The following HS3ST4 variants were observed in gnomAD, a reference collection of about 807,000 sequenced individuals.
HS3ST4 encodes heparan sulfate-glucosamine 3-sulfotransferase 4.
A neutral mutation model predicts 29.2 loss-of-function variants in HS3ST4; 17 were observed. The ratio of observed to expected loss-of-function variants is 0.58; its 90% CI spans 0.40 to 0.87. The LOEUF (loss-of-function observed/expected upper bound fraction) is 0.87. Ranked by LOEUF, HS3ST4 falls within the 40% of genes least tolerant of loss-of-function variation. HS3ST4 has a pLI of 0.00. For missense variants in HS3ST4, 627 were observed against 634.5 expected, an observed-to-expected ratio of 0.99 and a Z score of 0.13; for synonymous variants, 314 against 285.7, an observed-to-expected ratio of 1.10 and a Z score of -1.00.
At chr16:26,069,917 T>C (rs897682710) in intron 1 of HS3ST4, among the ~76,000 whole-genome samples, 1 of 152,158 alleles carries the variant, frequency 6.6e-6, no homozygotes, top group Non-Finnish European at 1.5e-5. Context: ...TAGTACTCCA[T>C]GGTGCATATG....
At chr16:26,052,063 A>T (rs1898354870) in intron 1 of HS3ST4, among the ~76,000 whole-genome samples, 1 of 152,114 alleles carries the variant, frequency 6.6e-6, no homozygotes, top group Admixed American at 6.6e-5. Context: ...ACTAATGGCC[A>T]TAAAGAAATG....
chr16:25,720,022 A>G (rs1042224445), intron 1 of HS3ST4, among the ~76,000 whole-genome samples: 3 of 152,224 alleles, frequency 2.0e-5, no homozygotes, highest in Non-Finnish European at 4.4e-5. Flanking sequence ...GGGAAGACAG[A>G]TAATAAACAG....
rs11382105 is a variant in HS3ST4 at position 25,956,997 on chromosome 16, C to CAAAA, written c.735-178598_735-178595dup. Among the ~76,000 whole-genome samples the CAAAA allele has an allele frequency of 7.6e-4, 59 of 77,690 alleles. 2 individuals are homozygous for CAAAA. Among genetic ancestry groups the CAAAA allele is most frequent in the African/African-American group, 2.7e-3 (50 of 18,384 alleles). The allele number at this position is 77,690 out of a possible 152,430, so 51.0% of individuals were successfully genotyped here. ...TGGGCAACAGAGCGAGACTCCGTCT[C>CAAAA]AAAAAAAAAAAAAAAAAAAAGCATG... On this transcript the variant is annotated intron_variant, in intron 1 of 1. Coordinates refer to ENST00000331351, the MANE Select transcript of HS3ST4 (RefSeq NM_006040.3).
chr16:25,874,977 A>C (rs986431161), intron 1 of HS3ST4, among the ~76,000 whole-genome samples: 2 of 152,156 alleles, frequency 1.3e-5, no homozygotes, highest in Admixed American at 6.6e-5. Context: ...ACACAATTGC[A>C]CACACATACC....
rs569195917 is a variant in HS3ST4 at position 25,925,470 on chromosome 16, A to T, written c.735-210142A>T. Among the ~76,000 whole-genome samples the T allele has an allele frequency of 3.3e-5, 5 of 152,230 alleles. No individual in the cohort carries two copies. In the East Asian group the frequency reaches 9.7e-4, roughly 29 times the overall value. ...TCCCTGCACAGAGAGCTTGAAGCTC[A>T]GTGTCACAGATTACGCCGCGACGCT... On this transcript the variant is annotated intron_variant, in intron 1 of 1. Transcript: ENST00000331351.
At chr16:25,752,943 T>C (rs1390116603) in intron 1 of HS3ST4, among the ~76,000 whole-genome samples, 2 of 152,230 alleles carry the variant, frequency 1.3e-5, no homozygotes, top group Non-Finnish European at 2.9e-5. Flanking sequence ...GAGTGTCGTA[T>C]TGCAGGCAGC....
intron 1 of HS3ST4, among the ~76,000 whole-genome samples, chr16:25,715,062 C>T (rs2141586636): frequency 6.6e-6 from 1 of 152,024 alleles, no homozygotes. Context: ...GTGGCTCACG[C>T]CTGTAATCCC....
chr16:25,724,405 C>T (rs959484846), intron 1 of HS3ST4, among the ~76,000 whole-genome samples: 2 of 149,564 alleles, frequency 1.3e-5, no homozygotes, highest in Non-Finnish European at 3.0e-5. Context: ...GCTCTGTCAC[C>T]CAAGCTGGAG....
intron 1 of HS3ST4, among the ~76,000 whole-genome samples, chr16:26,022,142 A>AT (rs946749691): frequency 1.3e-5 from 2 of 151,856 alleles, no homozygotes. Flanking sequence ...TTTTAAAATT[A>AT]TTTTTTTGTA....
intron 1 of HS3ST4, among the ~76,000 whole-genome samples, chr16:25,949,474 C>T (rs1968662669): frequency 1.3e-5 from 2 of 152,214 alleles, no homozygotes; most frequent in African/African-American, 4.8e-5. Flanking sequence ...CCACTGGGAC[C>T]TTTCTTTTAT....
intron 1 of HS3ST4, among the ~76,000 whole-genome samples, chr16:26,086,998 T>A (rs1898797917): frequency 2.0e-5 from 3 of 152,224 alleles, no homozygotes; most frequent in Non-Finnish European, 4.4e-5. Flanking sequence ...AAAAATTTCT[T>A]CCTCCAGACC....
At chr16:25,719,622 G>C (rs560463449) in intron 1 of HS3ST4, among the ~76,000 whole-genome samples, 1 of 152,314 alleles carries the variant, frequency 6.6e-6, no homozygotes, top group Non-Finnish European at 1.5e-5. Flanking sequence ...GTTGCAGCAT[G>C]AACTCAAGAT....
chr16:25,967,215 G>A (rs1413436445), intron 1 of HS3ST4, among the ~76,000 whole-genome samples: 2 of 152,138 alleles, frequency 1.3e-5, no homozygotes, highest in Non-Finnish European at 2.9e-5. Context: ...GTGCAGTGGT[G>A]CAATCTTGGC....
At chr16:25,964,259 A>G (rs1229932084) in intron 1 of HS3ST4, among the ~76,000 whole-genome samples, 1 of 152,046 alleles carries the variant, frequency 6.6e-6, no homozygotes, top group Non-Finnish European at 1.5e-5. Context: ...TGCAGTTTGA[A>G]AAACTACCGG....
At chr16:26,095,915 C>G (rs4553635) in intron 1 of HS3ST4, among the ~76,000 whole-genome samples, 3 of 151,562 alleles carry the variant, frequency 2.0e-5, no homozygotes, top group Non-Finnish European at 4.4e-5. Flanking sequence ...ATAGATGCAA[C>G]AAAAAATGAT....
At chr16:25,720,156 A>C (rs1332531440) in intron 1 of HS3ST4, among the ~76,000 whole-genome samples, 1 of 152,232 alleles carries the variant, frequency 6.6e-6, no homozygotes, top group African/African-American at 2.4e-5. Context: ...ACTGAAGGAC[A>C]TAAGTGAGGA....
At chr16:25,836,694 C>A (rs761218362) in intron 1 of HS3ST4, among the ~76,000 whole-genome samples, 3 of 152,106 alleles carry the variant, frequency 2.0e-5, no homozygotes, top group Non-Finnish European at 4.4e-5. Context: ...AAATGAAAAA[C>A]AATATCATGC....
chr16:26,106,836 G>A (rs964871638), intron 1 of HS3ST4, among the ~76,000 whole-genome samples: 6 of 152,176 alleles, frequency 3.9e-5, no homozygotes, highest in Admixed American at 6.5e-5. Flanking sequence ...TCACCTTCTC[G>A]TTAATCTCCT....
chr16:26,022,952 GA>G (rs1244412182), intron 1 of HS3ST4, among the ~76,000 whole-genome samples: 2 of 152,146 alleles, frequency 1.3e-5, no homozygotes, highest in African/African-American at 4.8e-5. Context: ...TGAGGCAGGA[GA>G]ATCTCTTGAA....
Sources: allele counts gnomAD v4.1 joint callset (sites outside exome capture counted in the v4.1 genomes callset), GRCh38; gene constraint gnomAD v4.1.1; transcripts MANE v1.5; gene names NCBI Gene and HGNC (gene_info 2026-07-23, HGNC 2026-07-21).